Variants in NTRK2 observed in about 807,000 individuals in gnomAD.
The protein encoded by NTRK2 is neurotrophic receptor tyrosine kinase 2.
NTRK2 carries 13 observed loss-of-function variants against 94.5 expected under a neutral mutation model. The observed-to-expected ratio is 0.14, with a 90% CI of 0.09 to 0.22. NTRK2 has a LOEUF of 0.22. Among genes scored for constraint, NTRK2 ranks in the 10% least tolerant of loss-of-function variants. The pLI, the probability that NTRK2 is intolerant of heterozygous loss-of-function variation, is 1.00. For synonymous variants in NTRK2, 372 were observed against 407.4 expected (o/e 0.91, Z 1.05); for missense variants, 639 against 1,071.2 (o/e 0.60, Z 5.63).
chr9:84,776,748 A>G (rs1489549154), intron 12 of NTRK2, among the ~76,000 whole-genome samples: 1 of 152,164 alleles, frequency 6.6e-6, no homozygotes, highest in Admixed American at 6.5e-5. Context: ...GTGGGACCCA[A>G]TGGATGCCTG....
At chr9:84,938,419 G>A (rs11790194) in intron 15 of NTRK2, among the ~76,000 whole-genome samples, 9,396 of 152,238 alleles carry the variant, frequency 0.062, 385 homozygotes, top group Admixed American at 0.12. Context: ...TCAGCTCTCA[G>A]TTCAAGTTGT....
intron 14 of NTRK2, among the ~76,000 whole-genome samples, chr9:84,883,561 A>G (rs1198622788): frequency 6.6e-6 from 1 of 152,162 alleles, no homozygotes; most frequent in Non-Finnish European, 1.5e-5. Flanking sequence ...TTTTTGCATA[A>G]TCAACATGGA....
chr9:85,010,737 T>G (rs1831471929), intron 17 of NTRK2, among the ~76,000 whole-genome samples: 1 of 152,202 alleles, frequency 6.6e-6, no homozygotes, highest in African/African-American at 2.4e-5. Context: ...TGTTTCTAGA[T>G]CCAAATGTAA....
At chr9:84,730,126 T>TGA (rs2062736071) in intron 9 of NTRK2, among the ~76,000 whole-genome samples, 1 of 152,236 alleles carries the variant, frequency 6.6e-6, no homozygotes, top group Admixed American at 6.5e-5. Context: ...TCCATCTTCT[T>TGA]GTTCATGAAT....
intron 14 of NTRK2, among the ~76,000 whole-genome samples, chr9:84,882,717 T>TC: frequency 6.9e-6 from 1 of 144,042 alleles, no homozygotes; most frequent in African/African-American, 2.7e-5. Context: ...TGTGTGTGTG[T>TC]GTGCGCGCGC....
chr9:84,874,705 G>C, intron 14 of NTRK2: 7 of 1,062,260 alleles, frequency 6.6e-6, no homozygotes, highest in Non-Finnish European at 6.8e-6. Context: ...CCCCTAACTG[G>C]AAGCAAGAGC....
intron 14 of NTRK2, among the ~76,000 whole-genome samples, chr9:84,884,739 T>C (rs1003413066): frequency 6.6e-6 from 1 of 152,226 alleles, no homozygotes; most frequent in Non-Finnish European, 1.5e-5. Flanking sequence ...AATAAAACTG[T>C]TGTCTTCTCA....
chr9:84,759,460 C>T (rs781215093), intron 12 of NTRK2, among the ~76,000 whole-genome samples: 61 of 152,232 alleles, frequency 4.0e-4, no homozygotes, highest in Non-Finnish European at 1.0e-4. Flanking sequence ...CCTGGGAATT[C>T]CCACAACCGC....
At chr9:84,930,712 G>T (rs1051207714) in intron 14 of NTRK2, among the ~76,000 whole-genome samples, 1 of 152,136 alleles carries the variant, frequency 6.6e-6, no homozygotes, top group Non-Finnish European at 1.5e-5. Flanking sequence ...AGCTGAAGGG[G>T]CATAAGCGAT....
chr9:84,854,744 C>A (rs2074974775), intron 12 of NTRK2, among the ~76,000 whole-genome samples: 1 of 151,926 alleles, frequency 6.6e-6, no homozygotes, highest in South Asian at 2.1e-4. Context: ...GTCAGGAGTT[C>A]AAGACCAGCC....
intron 17 of NTRK2, among the ~76,000 whole-genome samples, chr9:85,004,047 G>GAAAGAAAGAAAGAAAGAAAAGAAA (rs1564542231): frequency 1.9e-3 from 75 of 39,508 alleles, no homozygotes; most frequent in South Asian, 4.5e-3. Context: ...GAAAGAAAGG[G>GAAAGAAAGAAAGAAAGAAAAGAAA]AGAAAGAGAA....
chr9:84,716,530 G>T (rs553724089), intron 6 of NTRK2, among the ~76,000 whole-genome samples: 4 of 152,250 alleles, frequency 2.6e-5, no homozygotes, highest in African/African-American at 9.6e-5. Flanking sequence ...CAGATTAAAA[G>T]AATATGCTAT....
At chr9:84,912,120 T>A (rs1252185714) in intron 14 of NTRK2, among the ~76,000 whole-genome samples, 3 of 152,166 alleles carry the variant, frequency 2.0e-5, no homozygotes, top group Non-Finnish European at 4.4e-5. Context: ...CTCAACATGA[T>A]TTCAGTTTAT....
chr9:84,870,576 C>T (rs1209279095), intron 14 of NTRK2, among the ~76,000 whole-genome samples: 3 of 151,390 alleles, frequency 2.0e-5, no homozygotes, highest in Admixed American at 6.6e-5. Flanking sequence ...TGGTCTTGAA[C>T]TCCTGGACTC....
intron 12 of NTRK2, among the ~76,000 whole-genome samples, chr9:84,781,961 C>T (rs1306549851): frequency 6.6e-6 from 1 of 151,784 alleles, no homozygotes; most frequent in East Asian, 1.9e-4. Context: ...TTCAATAATA[C>T]CTTGGAGGGT....
chr9:84,729,064 G>A (rs1207512502), intron 9 of NTRK2, among the ~76,000 whole-genome samples: 2 of 152,286 alleles, frequency 1.3e-5, no homozygotes, highest in South Asian at 4.1e-4. Flanking sequence ...GACTTGTAAG[G>A]CAGGGGCTGC....
chr9:84,744,267 T>A (rs987210827), intron 10 of NTRK2, among the ~76,000 whole-genome samples: 2 of 152,204 alleles, frequency 1.3e-5, no homozygotes, highest in Non-Finnish European at 2.9e-5. Context: ...GCAACTGCAT[T>A]TGCGACTTGG....
At chr9:84,858,977 T>C (rs1167048027) in intron 12 of NTRK2, among the ~76,000 whole-genome samples, 9 of 152,138 alleles carry the variant, frequency 5.9e-5, no homozygotes, top group Admixed American at 5.9e-4. Context: ...TGAATCTCAG[T>C]TCCTCGTCAA....
intron 12 of NTRK2, among the ~76,000 whole-genome samples, chr9:84,795,504 T>C (rs770295887): frequency 2.0e-5 from 3 of 152,114 alleles, no homozygotes; most frequent in Admixed American, 6.5e-5. Flanking sequence ...GTGCAGTCTT[T>C]CTTCTTTCAC....
Sources: gnomAD v4.1 joint callset for allele counts (sites outside exome capture counted in the v4.1 genomes callset) on GRCh38, gnomAD v4.1.1 for gene constraint, MANE v1.5 for transcripts, NCBI Gene and HGNC (gene_info 2026-07-23, HGNC 2026-07-21) for gene names.